The following TMEM209 variants were observed in gnomAD, a reference collection of about 807,000 sequenced individuals.
TMEM209 encodes transmembrane protein 209.
Under a neutral mutation model 76.2 loss-of-function variants are expected in TMEM209, and 65 were observed. The ratio of observed to expected loss-of-function variants is 0.85; its 90% CI spans 0.70 to 1.05. The LOEUF (loss-of-function observed/expected upper bound fraction) is 1.05. Ranked by LOEUF, TMEM209 falls within the 50% of genes least tolerant of loss-of-function variation. The pLI is 0.00. For missense variants in TMEM209, 623 were observed against 685.5 expected, an observed-to-expected ratio of 0.91 and a Z score of 1.02; for synonymous variants, 239 against 237.6, an observed-to-expected ratio of 1.01 and a Z score of -0.06.
intron 6 of TMEM209, among the ~76,000 whole-genome samples, chr7:130,186,119 A>G (rs1797590285): frequency 6.6e-6 from 1 of 152,188 alleles, no homozygotes; most frequent in African/African-American, 2.4e-5. Flanking sequence ...GACAACAATT[A>G]TATGGTATTT....
chr7:130,203,390 G>A (rs903831444), intron 3 of TMEM209, among the ~76,000 whole-genome samples: 1 of 152,132 alleles, frequency 6.6e-6, no homozygotes, highest in African/African-American at 2.4e-5. Flanking sequence ...TATACCCAAT[G>A]ACTATGGAAG....
At position 130,202,006 on chromosome 7, in the gene TMEM209, C is replaced by T; in HGVS notation, c.417G>A (p.Val139=). The change falls in exon 5 of 15, where the codon GTG becomes GTA. Residue 139 remains valine, a synonymous_variant. Coordinates refer to ENST00000397622, the MANE Select transcript of TMEM209 (RefSeq NM_032842.4). ...PPSPSIQGQS[V]LSYSPSRSPS... ...GCGAACGAGAAGGGCTATAACTCAACACACTCTGACCCTGAATTGAAGGGG... is the reference window on the plus strand; with the variant it reads ...GCGAACGAGAAGGGCTATAACTCAATACACTCTGACCCTGAATTGAAGGGG... The T allele has an allele frequency of 6.2e-7, 1 of 1,613,824 alleles. No homozygotes were observed. The highest frequency in any genetic ancestry group is 8.5e-7 in the Non-Finnish European group (1 of 1,179,870).
At position 130,165,772 on chromosome 7, in the gene TMEM209, CTG is replaced by C. The variant is rs930627512; in HGVS notation, c.*677_*678del. ...GTACTTACACTGTTAAATAAAATAACTGAGGCTGGGCGCAGTGGCTCGCACCT... is the reference window on the plus strand; with the variant it reads ...GTACTTACACTGTTAAATAAAATAACAGGCTGGGCGCAGTGGCTCGCACCT... On this transcript the variant is annotated 3_prime_UTR_variant, in exon 15 of 15. Coordinates refer to ENST00000397622, the MANE Select transcript of TMEM209 (RefSeq NM_032842.4). The C allele has an allele frequency of 1.3e-5, 2 of 149,934 alleles. No homozygotes were observed. Among genetic ancestry groups the C allele is most frequent in the Non-Finnish European group, 3.0e-5 (2 of 67,598 alleles). 9.3% of individuals were successfully genotyped at this position (149,934 alleles called of 1,614,324 possible).
At chr7:130,201,255 C>A (rs1798189257) in intron 5 of TMEM209, among the ~76,000 whole-genome samples, 1 of 152,062 alleles carries the variant, frequency 6.6e-6, no homozygotes, top group Non-Finnish European at 1.5e-5. Flanking sequence ...TCAACGCCCC[C>A]TTATATTAAT....
chr7:130,190,574 TAAA>T (rs5887464), intron 6 of TMEM209, among the ~76,000 whole-genome samples: 1 of 131,814 alleles, frequency 7.6e-6, no homozygotes. Context: ...TGTATTACAG[TAAA>T]AAAAAAAAAG....
intron 11 of TMEM209, chr7:130,175,186 G>C: frequency 4.4e-6 from 1 of 228,782 alleles, no homozygotes; most frequent in Non-Finnish European, 8.4e-6. Flanking sequence ...TAAGGGTCAG[G>C]CACAGTAGCT....
intron 5 of TMEM209, among the ~76,000 whole-genome samples, chr7:130,197,721 C>T (rs1012608441): frequency 6.6e-6 from 1 of 152,136 alleles, no homozygotes; most frequent in African/African-American, 2.4e-5. Context: ...CTGCTCTTAC[C>T]ATAAAATGTA....
chr7:130,203,769 G>A lies in TMEM209; in HGVS notation c.199+19C>T. The A allele has an allele frequency of 3.2e-6, 5 of 1,583,406 alleles. No homozygotes were observed. Among genetic ancestry groups the A allele is most frequent in the Non-Finnish European group, 4.3e-6 (5 of 1,162,816 alleles). On this transcript the variant is annotated intron_variant, in intron 3 of 14. Coordinates refer to ENST00000397622, the MANE Select transcript of TMEM209 (RefSeq NM_032842.4). ...TTTTTATTGGTAAATGTAAGTTACA[G>A]TGAAAATTACTTACTTACCAATATA...
In TMEM209 at chr7:130,201,904, G is replaced by T; in HGVS notation, c.519C>A (p.Gly173=). The T allele has an allele frequency of 1.9e-6, 3 of 1,613,884 alleles. No individual in the cohort carries two copies. ...SPQLQGLSSG[G]SGSYSPGVTY... is the part of the protein sequence containing the mutation. The stretch of plus-strand genomic sequence containing the variant: ...TCACTCCAGGGCTATAAGAACCACT[G>T]CCACCTGAGGACAGACCTTGCAGCT... The change falls in exon 5 of 15, where the codon GGC becomes GGA. Residue 173 remains glycine, a synonymous_variant. Coordinates refer to ENST00000397622, the MANE Select transcript of TMEM209 (RefSeq NM_032842.4).
chr7:130,199,343 G>A (rs954734544), intron 5 of TMEM209, among the ~76,000 whole-genome samples: 6 of 151,660 alleles, frequency 4.0e-5, no homozygotes, highest in African/African-American at 9.7e-5. Flanking sequence ...TCAGCCTCCC[G>A]AGTAGCTGCG....
chr7:130,168,661 T>C (rs920644878), intron 14 of TMEM209, among the ~76,000 whole-genome samples: 1 of 152,174 alleles, frequency 6.6e-6, no homozygotes, highest in African/African-American at 2.4e-5. Flanking sequence ...AATACATTTT[T>C]AAGCAAAAGA....
At chr7:130,179,714 G>A (rs1029858648) in intron 9 of TMEM209, among the ~76,000 whole-genome samples, 4 of 152,172 alleles carry the variant, frequency 2.6e-5, no homozygotes, top group Non-Finnish European at 5.9e-5. Flanking sequence ...ATTGGCTCAT[G>A]TCTGTAATCC....
intron 5 of TMEM209, among the ~76,000 whole-genome samples, chr7:130,194,076 G>A (rs1011211268): frequency 2.6e-5 from 4 of 151,644 alleles, no homozygotes; most frequent in Non-Finnish European, 4.4e-5. Context: ...GCGGGCACCT[G>A]TAGTCCCAGC....
intron 5 of TMEM209, among the ~76,000 whole-genome samples, chr7:130,194,936 T>C (rs1290202388): frequency 2.6e-5 from 4 of 152,190 alleles, no homozygotes; most frequent in Admixed American, 2.6e-4. Flanking sequence ...AGGTTAATCC[T>C]CTTCCACACA....
At chr7:130,194,410 T>C (rs1486076746) in intron 5 of TMEM209, among the ~76,000 whole-genome samples, 1 of 151,712 alleles carries the variant, frequency 6.6e-6, no homozygotes, top group Non-Finnish European at 1.5e-5. Flanking sequence ...GCCACTGCAT[T>C]CCAGCCTGGG....
intron 5 of TMEM209, among the ~76,000 whole-genome samples, chr7:130,196,517 G>A (rs1421029223): frequency 1.3e-5 from 2 of 152,146 alleles, no homozygotes; most frequent in Non-Finnish European, 2.9e-5. Flanking sequence ...CATTATTATA[G>A]ACTGAATGTC....
intron 6 of TMEM209, among the ~76,000 whole-genome samples, chr7:130,188,322 C>T (rs568784227): frequency 3.9e-5 from 6 of 152,070 alleles, no homozygotes; most frequent in African/African-American, 7.2e-5. Context: ...TTTGGCCAGG[C>T]GCAGTGACTC....
chr7:130,178,648 A>C, intron 9 of TMEM209, 121 bp from the exon 10 acceptor site: 1 of 1,162,218 alleles, frequency 8.6e-7, no homozygotes, highest in Non-Finnish European at 1.2e-6. Context: ...TCTTCATACA[A>C]GTCAATGACG....
intron 5 of TMEM209, among the ~76,000 whole-genome samples, chr7:130,196,338 T>C (rs1273984065): frequency 6.6e-6 from 1 of 152,170 alleles, no homozygotes; most frequent in African/African-American, 2.4e-5. Context: ...TTTTTTTTTT[T>C]TCCAAGAAAA....
Sources: allele counts gnomAD v4.1 joint callset (sites outside exome capture counted in the v4.1 genomes callset), GRCh38; gene constraint gnomAD v4.1.1; transcripts MANE v1.5; gene names NCBI Gene and HGNC (gene_info 2026-07-23, HGNC 2026-07-21).